The following ITPR2 variants were observed in gnomAD, a reference collection of about 807,000 sequenced individuals.
ITPR2 encodes the protein inositol 1,4,5-trisphosphate receptor type 2.
In ITPR2, 207 loss-of-function variants were observed where a neutral mutation model predicts 317.1. That is an observed-to-expected ratio of 0.65 (90% CI 0.58 to 0.73). The LOEUF (loss-of-function observed/expected upper bound fraction) is 0.73, where lower values mean the gene tolerates loss of function less well. ITPR2 is among the 30% of genes least tolerant of loss of function. The pLI is 0.00. For synonymous variants in ITPR2, 1,156 were observed against 1,149.1 expected, an observed-to-expected ratio of 1.01 and a Z score of -0.12; for missense variants, 2,613 against 3,284.0, an observed-to-expected ratio of 0.80 and a Z score of 4.99.
At chr12:26,450,508 T>C (rs1380493657) in intron 45 of ITPR2, among the ~76,000 whole-genome samples, 1 of 152,194 alleles carries the variant, frequency 6.6e-6, no homozygotes, top group Admixed American at 6.5e-5. Flanking sequence ...CCAGAATTAC[T>C]ACCCTGTTAG....
chr12:26,654,142 A>AT lies in ITPR2; in HGVS notation c.2590-17_2590-16insA. ...AGTGGACCACCTTAATAAAAAAAAA[A>AT]AAGCGGGGAGGGGGAGGGTGAAAGA... is the stretch of plus-strand genomic sequence containing the variant. On this transcript the variant is annotated splice_polypyrimidine_tract_variant and intron_variant, in intron 20 of 56. Transcript: ENST00000381340. 6.5e-7 allele frequency: 1 copy of AT among 1,540,722 alleles called. No individual in the cohort carries two copies. Among genetic ancestry groups the AT allele is most frequent in the Non-Finnish European group, 8.6e-7 (1 of 1,156,306 alleles).
At chr12:26,360,260 G>A (rs1008128137) in intron 55 of ITPR2, among the ~76,000 whole-genome samples, 21 of 152,222 alleles carry the variant, frequency 1.4e-4, no homozygotes, top group African/African-American at 4.8e-4. Context: ...ATCCTCTCTC[G>A]CTTCCTCCTT....
At chr12:26,476,185 C>T (rs1298958402) in intron 44 of ITPR2, among the ~76,000 whole-genome samples, 1 of 152,148 alleles carries the variant, frequency 6.6e-6, no homozygotes, top group African/African-American at 2.4e-5. Context: ...CCATTCTTTA[C>T]TAATAAAGTG....
At chr12:26,724,553 C>A (rs1948888160) in intron 4 of ITPR2, 103 bp downstream of exon 4, 2 of 712,878 alleles carry the variant, frequency 2.8e-6, no homozygotes, top group Non-Finnish European at 5.0e-6. Flanking sequence ...CATCAAAGAA[C>A]AAACTTCCTG....
At chr12:26,680,622 T>C (rs187423978) in intron 13 of ITPR2, among the ~76,000 whole-genome samples, 1 of 152,354 alleles carries the variant, frequency 6.6e-6, no homozygotes, top group East Asian at 1.9e-4. Flanking sequence ...ACCTGATTTA[T>C]CAGAGAATGT....
intron 37 of ITPR2, among the ~76,000 whole-genome samples, chr12:26,516,066 G>A (rs1308073876): frequency 6.6e-6 from 1 of 151,068 alleles, no homozygotes; most frequent in Non-Finnish European, 1.5e-5. Context: ...AGAGGTTGCA[G>A]TGAGCCATGA....
intron 37 of ITPR2, among the ~76,000 whole-genome samples, chr12:26,498,798 C>A (rs1313956371): frequency 6.6e-6 from 1 of 152,168 alleles, no homozygotes; most frequent in East Asian, 1.9e-4. Context: ...TGAGAACTAG[C>A]TCCCCTTTTA....
chr12:26,432,307 G>A (rs1941232855), intron 48 of ITPR2, among the ~76,000 whole-genome samples: 1 of 152,042 alleles, frequency 6.6e-6, no homozygotes, highest in Non-Finnish European at 1.5e-5. Flanking sequence ...AAGAGTACTG[G>A]CCAATTATGT....
intron 55 of ITPR2, among the ~76,000 whole-genome samples, chr12:26,366,524 A>G (rs1939016661): frequency 6.6e-6 from 1 of 152,178 alleles, no homozygotes. Context: ...ACAATCTACC[A>G]AGTTCTTCGC....
chr12:26,398,057 G>GTGT (rs1940055093), intron 54 of ITPR2, among the ~76,000 whole-genome samples: 2 of 135,002 alleles, frequency 1.5e-5, no homozygotes, highest in African/African-American at 2.9e-5. Context: ...GGAGGGGAGT[G>GTGT]GTGTGTGTGT....
chr12:26,662,353 T>C (rs1225973136), intron 15 of ITPR2, among the ~76,000 whole-genome samples: 2 of 152,240 alleles, frequency 1.3e-5, no homozygotes, highest in South Asian at 4.1e-4. Flanking sequence ...CAGTGTTAAC[T>C]GAATTAATTC....
chr12:26,662,496 G>A (rs1947524924), intron 15 of ITPR2, among the ~76,000 whole-genome samples: 1 of 152,032 alleles, frequency 6.6e-6, no homozygotes, highest in South Asian at 2.1e-4. Context: ...TGCCCTTCCA[G>A]CCCTCTCCCA....
At chr12:26,525,937 C>G (rs1487118230) in intron 37 of ITPR2, among the ~76,000 whole-genome samples, 2 of 152,224 alleles carry the variant, frequency 1.3e-5, no homozygotes, top group East Asian at 1.9e-4. Context: ...ATCCAAGTCA[C>G]CACTGCCAGC....
At chr12:26,668,537 T>C (rs987275167) in intron 13 of ITPR2, among the ~76,000 whole-genome samples, 5 of 151,978 alleles carry the variant, frequency 3.3e-5, no homozygotes, top group Admixed American at 1.3e-4. Flanking sequence ...CAAGTGAATG[T>C]AGAGAAAGGA....
intron 35 of ITPR2, among the ~76,000 whole-genome samples, chr12:26,558,826 A>T (rs1280929016): frequency 6.6e-6 from 1 of 152,196 alleles, no homozygotes; most frequent in Non-Finnish European, 1.5e-5. Flanking sequence ...AGCCTAGTTG[A>T]CACACTCACT....
At chr12:26,526,096 T>C (rs957146036) in intron 37 of ITPR2, among the ~76,000 whole-genome samples, 5 of 152,224 alleles carry the variant, frequency 3.3e-5, no homozygotes, top group Non-Finnish European at 5.9e-5. Context: ...TCAGCTGCAC[T>C]ATTTATTCAT....
intron 51 of ITPR2, among the ~76,000 whole-genome samples, chr12:26,412,176 G>C (rs1039395747): frequency 8.5e-5 from 13 of 152,190 alleles, no homozygotes; most frequent in African/African-American, 2.9e-4. Flanking sequence ...AGCTACAAAG[G>C]CTGTAGCAGT....
At chr12:26,410,244 T>G (rs1940497523) in intron 52 of ITPR2, among the ~76,000 whole-genome samples, 1 of 152,118 alleles carries the variant, frequency 6.6e-6, no homozygotes, top group African/African-American at 2.4e-5. Flanking sequence ...TGGTTCTTAT[T>G]GTGAGCCTTG....
At chr12:26,494,087 T>A in intron 39 of ITPR2, 66 bp downstream of exon 39, 3 of 1,290,310 alleles carry the variant, frequency 2.3e-6, no homozygotes, top group South Asian at 3.1e-5. Context: ...TTTTCCTTGG[T>A]TTCTGTGACA....
Sources: gnomAD v4.1 joint callset for allele counts (sites outside exome capture counted in the v4.1 genomes callset) on GRCh38, gnomAD v4.1.1 for gene constraint, MANE v1.5 for transcripts, NCBI Gene and HGNC (gene_info 2026-07-23, HGNC 2026-07-21) for gene names.